DCDC2: variants seen among roughly 807,000 people sequenced by gnomAD.
DCDC2 encodes doublecortin domain-containing protein 2.
Under a neutral mutation model 50.2 loss-of-function variants are expected in DCDC2, and 40 were observed. That is an observed-to-expected ratio of 0.80 (90% CI 0.62 to 1.04). The LOEUF (loss-of-function observed/expected upper bound fraction) is 1.04, where lower values mean the gene tolerates loss of function less well. Among genes scored for constraint, DCDC2 ranks in the 50% least tolerant of loss-of-function variants. The pLI is 0.00. For synonymous variants in DCDC2, 234 were observed against 210.6 expected (o/e 1.11, Z -0.96); for missense variants, 570 against 581.9 (o/e 0.98, Z 0.21).
At chr6:24,210,278 A>C (rs557889319) in intron 7 of DCDC2, among the ~76,000 whole-genome samples, 9 of 152,276 alleles carry the variant, frequency 5.9e-5, no homozygotes, top group African/African-American at 1.7e-4. Flanking sequence ...TAATACGTAT[A>C]TTCAGCCTTG....
the DCDC2 span, among the ~76,000 whole-genome samples, chr6:24,367,818 A>C: frequency 1.3e-5 from 2 of 152,230 alleles, no homozygotes; most frequent in African/African-American, 4.8e-5. Context: ...TGAAGGAACA[A>C]GAGACAGAAG....
chr6:24,369,973 G>C, the DCDC2 span, among the ~76,000 whole-genome samples: 1 of 152,172 alleles, frequency 6.6e-6, no homozygotes, highest in South Asian at 2.1e-4. Context: ...GCAGGGGACT[G>C]GGGGAGGCTG....
intron 2 of DCDC2, among the ~76,000 whole-genome samples, chr6:24,340,452 C>G (rs942346216): frequency 6.6e-6 from 1 of 152,100 alleles, no homozygotes; most frequent in South Asian, 2.1e-4. Flanking sequence ...TCAGTTGAGC[C>G]TTCATGCAAA....
intron 7 of DCDC2, among the ~76,000 whole-genome samples, chr6:24,230,213 A>G (rs746172954): frequency 1.1e-4 from 16 of 152,236 alleles, no homozygotes; most frequent in Non-Finnish European, 2.1e-4. Context: ...CTGGTCTCAT[A>G]TGACTTACAT....
chr6:24,365,796 A>ATTGTTGTTGTTGTTTTTGTTG, the DCDC2 span: 7 of 152,020 alleles, frequency 4.6e-5, no homozygotes, highest in African/African-American at 1.7e-4. Flanking sequence ...AAAGTAATAG[A>ATTGTTGTTGTTGTTTTTGTTG]TTGTTGTTGT....
chr6:24,205,168 A>C (rs1761684842), intron 7 of DCDC2, 66 bp from the exon 8 acceptor site: 1 of 1,614,042 alleles, frequency 6.2e-7, no homozygotes, highest in African/African-American at 1.3e-5. Context: ...GAATGCTGGA[A>C]TTACAATCAA....
At chr6:24,249,757 G>T (rs1222867208) in intron 7 of DCDC2, among the ~76,000 whole-genome samples, 1 of 152,150 alleles carries the variant, frequency 6.6e-6, no homozygotes, top group East Asian at 1.9e-4. Flanking sequence ...ACTGTGTTTG[G>T]GGATAGTAGA....
chr6:24,324,190 G>A (rs1759820350), intron 2 of DCDC2, among the ~76,000 whole-genome samples: 2 of 151,828 alleles, frequency 1.3e-5, no homozygotes, highest in African/African-American at 2.4e-5. Flanking sequence ...AGATACAGAA[G>A]AATGCTCAAG....
intron 7 of DCDC2, among the ~76,000 whole-genome samples, chr6:24,249,786 C>T (rs547813155): frequency 3.9e-5 from 6 of 152,180 alleles, no homozygotes. Context: ...AAAGCCTTGT[C>T]GAGTGAGTGT....
chr6:24,370,498 A>G, the DCDC2 span, among the ~76,000 whole-genome samples: 5 of 152,312 alleles, frequency 3.3e-5, no homozygotes, highest in East Asian at 9.7e-4. Flanking sequence ...ACTTGAGGTC[A>G]GGAGTCCAAG....
At chr6:24,188,228 G>C (rs748543223) in intron 8 of DCDC2, among the ~76,000 whole-genome samples, 2 of 152,144 alleles carry the variant, frequency 1.3e-5, no homozygotes, top group Non-Finnish European at 2.9e-5. Flanking sequence ...GTGCACAGTA[G>C]GGCTGTAAAT....
chr6:24,347,543 G>T (rs143793097), intron 2 of DCDC2, among the ~76,000 whole-genome samples: 10 of 152,268 alleles, frequency 6.6e-5, no homozygotes, highest in African/African-American at 9.6e-5. Context: ...ACATTGCACT[G>T]GGTATTACTA....
At chr6:24,378,570 C>T in the DCDC2 span, among the ~76,000 whole-genome samples, 1,094 of 152,192 alleles carry the variant, frequency 7.2e-3, 7 homozygotes, top group Middle Eastern at 0.02. Flanking sequence ...GGGATGTTGC[C>T]TTACCTGATG....
intron 5 of DCDC2, 70 bp from the exon 6 acceptor site, chr6:24,288,976 T>C: frequency 2.5e-6 from 3 of 1,206,504 alleles, no homozygotes; most frequent in Non-Finnish European, 3.5e-6. Flanking sequence ...AAGATAATTA[T>C]CATCCCCACC....
chr6:24,192,008 G>C (rs975766588), intron 8 of DCDC2, among the ~76,000 whole-genome samples: 1 of 152,064 alleles, frequency 6.6e-6, no homozygotes, highest in Admixed American at 6.6e-5. Context: ...GAAATAAGGG[G>C]GATAGATAAC....
At chr6:24,284,916 A>G (rs1397503605) in intron 6 of DCDC2, among the ~76,000 whole-genome samples, 2 of 152,022 alleles carry the variant, frequency 1.3e-5, no homozygotes, top group Admixed American at 1.3e-4. Context: ...ATTTTATATA[A>G]ATCAATGCCC....
In DCDC2 at chr6:24,293,841, G is replaced by A. The variant is rs55841619; in HGVS notation, c.558-2763C>T. ...ATCATACCAAACACACCCTCAGATC[G>A]CAGCACAATAAAAATAGAAACCAAG... On this transcript the variant is annotated intron_variant, in intron 4 of 9. Coordinates refer to ENST00000378454, the MANE Select transcript of DCDC2 (RefSeq NM_016356.5). Among the ~76,000 whole-genome samples, 1,511 of 152,154 alleles carry A rather than the reference G, an allele frequency of 9.9e-3. 15 individuals are homozygous for A. The highest frequency in any genetic ancestry group is 0.034 in the Middle Eastern group (10 of 294).
intron 7 of DCDC2, among the ~76,000 whole-genome samples, chr6:24,241,752 G>T (rs539179034): frequency 4.9e-4 from 75 of 152,204 alleles, no homozygotes; most frequent in Middle Eastern, 3.2e-3. Flanking sequence ...TCAAACCTGT[G>T]ATGGTTTACT....
intron 8 of DCDC2, among the ~76,000 whole-genome samples, chr6:24,195,663 T>C (rs975223931): frequency 6.6e-6 from 1 of 152,158 alleles, no homozygotes; most frequent in African/African-American, 2.4e-5. Flanking sequence ...CACCACCTTC[T>C]AGATGCCCAT....
Sources: gnomAD v4.1 joint callset for allele counts (sites outside exome capture counted in the v4.1 genomes callset) on GRCh38, gnomAD v4.1.1 for gene constraint, MANE v1.5 for transcripts, NCBI Gene and HGNC (gene_info 2026-07-23, HGNC 2026-07-21) for gene names.